AGFG1: variants seen among roughly 807,000 people sequenced by gnomAD.
AGFG1 encodes arf-GAP domain and FG repeat-containing protein 1.
Under a neutral mutation model 60.6 loss-of-function variants are expected in AGFG1, and 10 were observed. The ratio of observed to expected loss-of-function variants is 0.16; its 90% CI spans 0.10 to 0.28. The LOEUF is 0.28. Among genes scored for constraint, AGFG1 ranks in the 10% least tolerant of loss-of-function variants. The pLI, the probability that AGFG1 is intolerant of heterozygous loss-of-function variation, is 1.00. For missense variants in AGFG1, 537 were observed against 676.5 expected (o/e 0.79, Z 2.29); for synonymous variants, 247 against 242.9 (o/e 1.02, Z -0.16).
At chr2:227,538,755 T>C (rs1488633416) in intron 10 of AGFG1, among the ~76,000 whole-genome samples, 1 of 152,202 alleles carries the variant, frequency 6.6e-6, no homozygotes, top group Non-Finnish European at 1.5e-5. Context: ...AGGGCCTTTT[T>C]TTGCTTATTT....
chr2:227,535,084 A>G (rs564785105), intron 8 of AGFG1, 59 bp downstream of exon 8: 1 of 1,385,868 alleles, frequency 7.2e-7, no homozygotes, highest in South Asian at 1.9e-5. Flanking sequence ...CCAACTTTGA[A>G]TAATCAATTA....
chr2:227,549,496 A>AT (rs768376824), intron 10 of AGFG1, among the ~76,000 whole-genome samples: 37 of 152,150 alleles, frequency 2.4e-4, no homozygotes, highest in Non-Finnish European at 4.9e-4. Flanking sequence ...CAGCCATTGT[A>AT]TTTTAACCTG....
intron 1 of AGFG1, among the ~76,000 whole-genome samples, chr2:227,485,796 A>G (rs1690616659): frequency 6.6e-6 from 1 of 152,058 alleles, no homozygotes; most frequent in Non-Finnish European, 1.5e-5. Context: ...ATAATTACAT[A>G]TTTCCTGCTC....
intron 6 of AGFG1, chr2:227,532,219 G>A: frequency 1.9e-6 from 3 of 1,539,312 alleles, no homozygotes; most frequent in Non-Finnish European, 2.6e-6. Flanking sequence ...AGTAAGTTCT[G>A]TTGTCAAGTA....
intron 10 of AGFG1, among the ~76,000 whole-genome samples, chr2:227,547,359 A>G (rs1199765308): frequency 6.6e-6 from 1 of 152,170 alleles, no homozygotes; most frequent in Admixed American, 6.5e-5. Flanking sequence ...CTCTCAATTT[A>G]CTCTTAATAT....
At chr2:227,474,145 C>G (rs1482770766) in intron 1 of AGFG1, among the ~76,000 whole-genome samples, 4 of 152,168 alleles carry the variant, frequency 2.6e-5, no homozygotes, top group Non-Finnish European at 5.9e-5. Context: ...TAGCCTGGTT[C>G]ATGCATTTCA....
chr2:227,517,414 C>T (rs1012508022), intron 2 of AGFG1, among the ~76,000 whole-genome samples: 2 of 152,100 alleles, frequency 1.3e-5, no homozygotes, highest in African/African-American at 4.8e-5. Context: ...TACAGGCATG[C>T]GCCACCATGC....
intron 1 of AGFG1, among the ~76,000 whole-genome samples, chr2:227,488,196 C>T (rs1690695613): frequency 6.6e-6 from 1 of 152,096 alleles, no homozygotes; most frequent in South Asian, 2.1e-4. Flanking sequence ...TCTGGTTGTA[C>T]TTGTTTCATA....
Position 227,542,860 on chromosome 2 carries a change from C to G in AGFG1, c.1378+5867C>G, listed in dbSNP as rs574037805. On this transcript the variant is annotated intron_variant, in intron 10 of 12. Transcript: ENST00000310078. ...GTTATTGGTCTATTCAGGGATTCAA[C>G]TTCATCCTGGTTTAGTCTTGAGAGG... is the stretch of plus-strand genomic sequence containing the variant. 4.5e-5 allele frequency among the ~76,000 whole-genome samples: 5 copies of G among 111,908 alleles called. No homozygotes were observed. The Admixed American group carries it at 5.0e-4, about 11-fold the overall frequency. 73.4% of individuals were successfully genotyped at this position (111,908 alleles called of 152,430 possible).
intron 2 of AGFG1, among the ~76,000 whole-genome samples, chr2:227,499,048 GCTGT>G (rs1691067814): frequency 6.6e-6 from 1 of 151,988 alleles, no homozygotes. Context: ...TCAACACATG[GCTGT>G]CTTTTTATTA....
chr2:227,511,145 G>A (rs905619763), intron 2 of AGFG1, among the ~76,000 whole-genome samples: 2 of 152,148 alleles, frequency 1.3e-5, no homozygotes, highest in Non-Finnish European at 2.9e-5. Context: ...TCCTCCAGGG[G>A]AAAGTTTTTG....
intron 12 of AGFG1, among the ~76,000 whole-genome samples, chr2:227,554,062 G>A (rs568728214): frequency 6.6e-6 from 1 of 152,278 alleles, no homozygotes; most frequent in South Asian, 2.1e-4. Context: ...TTTATAATAT[G>A]AAACTTATCT....
At chr2:227,549,187 A>G (rs931596564) in intron 10 of AGFG1, among the ~76,000 whole-genome samples, 5 of 152,200 alleles carry the variant, frequency 3.3e-5, no homozygotes, top group Admixed American at 3.3e-4. Context: ...CAAATGAGGA[A>G]ACTGAAGCTT....
Position 227,544,146 on chromosome 2 carries a change from C to CT in AGFG1, c.1378+7179dup, listed in dbSNP as rs71039605. ...CTTTATCCAATTTGCCATTCTGTGT[C>CT]TTTTTTTTTTTTTTTTTTTTTTTTT... is the stretch of plus-strand genomic sequence containing the variant. On this transcript the variant is annotated intron_variant, in intron 10 of 12. Coordinates refer to ENST00000310078, the MANE Select transcript of AGFG1 (RefSeq NM_004504.5). 2.8e-3 allele frequency among the ~76,000 whole-genome samples: 211 copies of CT among 75,800 alleles called. 13 individuals carry two copies. Among genetic ancestry groups the CT allele is most frequent in the African/African-American group, 4.4e-3 (80 of 17,988 alleles). 49.7% of individuals were successfully genotyped at this position (75,800 alleles called of 152,430 possible). A position where few individuals can be genotyped will look rare whatever the true frequency, so the allele number is the denominator to read the frequency against.
At chr2:227,532,258 G>C (rs1398645020) in intron 6 of AGFG1, 23 of 1,408,744 alleles carry the variant, frequency 1.6e-5, no homozygotes, top group Non-Finnish European at 2.2e-5. Flanking sequence ...GTATATTTTT[G>C]CTATACTTCA....
At chr2:227,532,025 ATTACT>A in intron 6 of AGFG1, 1 of 781,180 alleles carries the variant, frequency 1.3e-6, no homozygotes, top group Non-Finnish European at 1.9e-6. Context: ...TTTTTGGCTG[ATTACT>A]TTTCTTTCAA....
At chr2:227,517,410 C>CA (rs1691685950) in intron 2 of AGFG1, among the ~76,000 whole-genome samples, 1 of 152,178 alleles carries the variant, frequency 6.6e-6, no homozygotes, top group Non-Finnish European at 1.5e-5. Flanking sequence ...GGGTTACAGG[C>CA]ATGCGCCACC....
At chr2:227,534,304 C>T (rs1011440319) in intron 7 of AGFG1, among the ~76,000 whole-genome samples, 2 of 152,112 alleles carry the variant, frequency 1.3e-5, no homozygotes, top group African/African-American at 2.4e-5. Flanking sequence ...CTGTTTTCCT[C>T]CTCTCCAAAA....
At chr2:227,518,757 C>G (rs2106203231) in intron 2 of AGFG1, among the ~76,000 whole-genome samples, 1 of 152,108 alleles carries the variant, frequency 6.6e-6, no homozygotes. Flanking sequence ...AACTCCTGAC[C>G]TCAGGTGATC....
Sources: gnomAD v4.1 joint callset for allele counts (sites outside exome capture counted in the v4.1 genomes callset) on GRCh38, gnomAD v4.1.1 for gene constraint, MANE v1.5 for transcripts, NCBI Gene and HGNC (gene_info 2026-07-23, HGNC 2026-07-21) for gene names.